The following PIK3C2G variants were observed in gnomAD, a reference collection of about 807,000 sequenced individuals.
The protein encoded by PIK3C2G is phosphatidylinositol 3-kinase C2 domain-containing subunit gamma.
Under a neutral mutation model 181.1 loss-of-function variants are expected in PIK3C2G, and 168 were observed. The observed-to-expected ratio is 0.93, with a 90% CI of 0.82 to 1.05. PIK3C2G has a LOEUF of 1.05. Among genes scored for constraint, PIK3C2G ranks in the 50% least tolerant of loss-of-function variants. The pLI, the probability that PIK3C2G is intolerant of heterozygous loss-of-function variation, is 0.00. For synonymous variants in PIK3C2G, 573 were observed against 592.2 expected (o/e 0.97, Z 0.47); for missense variants, 1,869 against 1,732.8 (o/e 1.08, Z -1.40).
intron 18 of PIK3C2G, among the ~76,000 whole-genome samples, chr12:18,437,506 C>G (rs1425050460): frequency 6.6e-6 from 1 of 151,968 alleles, no homozygotes; most frequent in African/African-American, 2.4e-5. Context: ...CTACCTGATA[C>G]ACTAACCACT....
intron 5 of PIK3C2G, among the ~76,000 whole-genome samples, chr12:18,310,462 C>A (rs904015135): frequency 6.6e-6 from 1 of 151,734 alleles, no homozygotes; most frequent in Admixed American, 6.6e-5. Flanking sequence ...TATATTTCAT[C>A]AAGTAAGTGA....
intron 18 of PIK3C2G, among the ~76,000 whole-genome samples, chr12:18,442,701 C>T (rs899318666): frequency 6.6e-6 from 1 of 152,064 alleles, no homozygotes; most frequent in African/African-American, 2.4e-5. Context: ...CAAGTTATAA[C>T]ATTATAATTC....
intron 26 of PIK3C2G, among the ~76,000 whole-genome samples, chr12:18,555,559 G>A (rs1485435531): frequency 6.6e-6 from 1 of 152,110 alleles, no homozygotes; most frequent in African/African-American, 2.4e-5. Flanking sequence ...CATGTATTAT[G>A]AAGTAGAATA....
intron 18 of PIK3C2G, among the ~76,000 whole-genome samples, chr12:18,437,592 A>G (rs1032011568): frequency 3.3e-5 from 5 of 151,970 alleles, no homozygotes; most frequent in African/African-American, 9.7e-5. Flanking sequence ...AAGAACCCTA[A>G]TGTATGTGTC....
chr12:18,325,543 CTAAAAAA>C (rs1951301411), intron 8 of PIK3C2G, among the ~76,000 whole-genome samples: 1 of 151,800 alleles, frequency 6.6e-6, no homozygotes, highest in Non-Finnish European at 1.5e-5. Context: ...CCCGTCTCTA[CTAAAAAA>C]TACAAAAATT....
chr12:18,527,696 CAG>C (rs1943318187), intron 24 of PIK3C2G, among the ~76,000 whole-genome samples: 2 of 151,376 alleles, frequency 1.3e-5, no homozygotes, highest in Non-Finnish European at 2.9e-5. Context: ...AAAAAGTGGG[CAG>C]TTGAAGGATC....
At chr12:18,425,952 C>A (rs765604526) in intron 18 of PIK3C2G, among the ~76,000 whole-genome samples, 20 of 152,080 alleles carry the variant, frequency 1.3e-4, no homozygotes, top group Non-Finnish European at 2.5e-4. Flanking sequence ...AACTTGAATG[C>A]TAGTGGTTTG....
At chr12:18,719,655 G>A in the PIK3C2G span, 26 of 1,513,112 alleles carry the variant, frequency 1.7e-5, no homozygotes, top group South Asian at 2.9e-4. Flanking sequence ...AATAAAATAA[G>A]TTAAAAGGAT....
chr12:18,724,986 C>T, the PIK3C2G span, among the ~76,000 whole-genome samples: 1 of 152,028 alleles, frequency 6.6e-6, no homozygotes, highest in Non-Finnish European at 1.5e-5. Flanking sequence ...TTTGTTTTGT[C>T]TCGTGTTCTT....
the PIK3C2G span, chr12:18,719,311 A>G: frequency 3.9e-6 from 2 of 517,344 alleles, no homozygotes; most frequent in Non-Finnish European, 3.2e-6. Flanking sequence ...TCTATTCCCT[A>G]TGAGTTTGGA....
intron 24 of PIK3C2G, among the ~76,000 whole-genome samples, chr12:18,522,353 G>A (rs900629865): frequency 4.6e-5 from 7 of 151,780 alleles, no homozygotes; most frequent in Middle Eastern, 3.2e-3. Flanking sequence ...TTTTTTTCTC[G>A]TTTTCATTTG....
At chr12:18,690,492 T>TGG in the PIK3C2G span, among the ~76,000 whole-genome samples, 6 of 152,144 alleles carry the variant, frequency 3.9e-5, no homozygotes, top group Middle Eastern at 3.2e-3. Context: ...CCCAAAGTGA[T>TGG]GGGATTACAG....
intron 25 of PIK3C2G, among the ~76,000 whole-genome samples, chr12:18,542,946 G>C (rs1052017022): frequency 2.6e-5 from 4 of 151,882 alleles, no homozygotes; most frequent in Non-Finnish European, 5.9e-5. Context: ...TCTGCTTTTA[G>C]CTCTTTGAGG....
At chr12:18,561,343 C>G (rs910506900) in intron 26 of PIK3C2G, among the ~76,000 whole-genome samples, 2 of 152,166 alleles carry the variant, frequency 1.3e-5, no homozygotes, top group Non-Finnish European at 2.9e-5. Flanking sequence ...GACAGGCATA[C>G]TGGCACATGC....
chr12:18,654,014 G>A, the PIK3C2G span, among the ~76,000 whole-genome samples: 4 of 151,952 alleles, frequency 2.6e-5, no homozygotes, highest in South Asian at 6.2e-4. Context: ...CTCATTTTCT[G>A]ATAGTTTCTT....
rs1422309361 is a variant in PIK3C2G, at chr12:18,303,138, C to CTTTCTTTCTTTCTTTT, written c.1034+9126_1034+9127insCTTTCTTTCTTTTTTT. 3.3e-3 allele frequency among the ~76,000 whole-genome samples: 435 copies of CTTTCTTTCTTTCTTTT among 131,182 alleles called. 2 individuals carry two copies. The highest frequency in any genetic ancestry group is 0.012 in the African/African-American group (420 of 34,482). 86.1% of individuals were successfully genotyped at this position (131,182 alleles called of 152,430 possible). ...TCCTTCTTTCTTTCTTTCTTTCTTT[C>CTTTCTTTCTTTCTTTT]TTTTCTTTTCTTTCTTCTTTCTCTT... is the stretch of plus-strand genomic sequence containing the variant. On this transcript the variant is annotated intron_variant, in intron 5 of 32. Transcript: ENST00000538779.
At chr12:18,349,775 C>T (rs1565624886) in intron 11 of PIK3C2G, among the ~76,000 whole-genome samples, 1 of 152,032 alleles carries the variant, frequency 6.6e-6, no homozygotes, top group African/African-American at 2.4e-5. Flanking sequence ...GTTAGTTCTC[C>T]CCCAAGTCCT....
At chr12:18,613,234 T>C in intron 31 of PIK3C2G, among the ~76,000 whole-genome samples, 1 of 152,140 alleles carries the variant, frequency 6.6e-6, no homozygotes, top group East Asian at 1.9e-4. Flanking sequence ...CTCCAGAATG[T>C]TCGCATTCCA....
At chr12:18,280,131 C>T (rs1264117237) in intron 1 of PIK3C2G, among the ~76,000 whole-genome samples, 1 of 151,982 alleles carries the variant, frequency 6.6e-6, no homozygotes, top group African/African-American at 2.4e-5. Context: ...GAAGCAAATA[C>T]TTCACGATTT....
Sources: gnomAD v4.1 joint callset for allele counts (sites outside exome capture counted in the v4.1 genomes callset) on GRCh38, gnomAD v4.1.1 for gene constraint, MANE v1.5 for transcripts, NCBI Gene and HGNC (gene_info 2026-07-23, HGNC 2026-07-21) for gene names.